The following LINGO2 variants were observed in gnomAD, a reference collection of about 807,000 sequenced individuals.
LINGO2 encodes leucine-rich repeat and immunoglobulin-like domain-containing nogo receptor-interacting protein 2.
Under a neutral mutation model 30.6 loss-of-function variants are expected in LINGO2, and 14 were observed. That is an observed-to-expected ratio of 0.46 (90% CI 0.30 to 0.72). LINGO2 has a LOEUF of 0.72. Ranked by LOEUF, LINGO2 falls within the 30% of genes least tolerant of loss-of-function variation. The pLI is 0.07. For missense variants in LINGO2, 729 were observed against 751.7 expected, an observed-to-expected ratio of 0.97 and a Z score of 0.35; for synonymous variants, 317 against 288.5, an observed-to-expected ratio of 1.10 and a Z score of -1.00.
At chr9:28,937,838 G>A in the LINGO2 span, among the ~76,000 whole-genome samples, 36 of 151,976 alleles carry the variant, frequency 2.4e-4, no homozygotes, top group Non-Finnish European at 1.3e-4. Flanking sequence ...GGGCAAGTTT[G>A]TTACATAGGT....
intron 4 of LINGO2, among the ~76,000 whole-genome samples, chr9:28,254,679 T>A (rs1822321447): frequency 1.3e-5 from 2 of 152,014 alleles, no homozygotes; most frequent in African/African-American, 2.4e-5. Flanking sequence ...GAAAAAAAAA[T>A]TTGCTTTTGG....
At position 28,348,959 on chromosome 9, in the gene LINGO2, TAACA is replaced by T. The variant is rs1458619145; in HGVS notation, c.-246+23873_-246+23876del. On this transcript the variant is annotated intron_variant, in intron 3 of 5. Transcript: ENST00000379992. Reference sequence around the variant, plus strand: ...GGGTCCTGTCTGTTAGAAGGAAAACTAACAAACAGAAAGGACATCCACACCAAAA... The same window carrying T: ...GGGTCCTGTCTGTTAGAAGGAAAACTAACAGAAAGGACATCCACACCAAAA... 2.0e-5 allele frequency among the ~76,000 whole-genome samples: 3 copies of T among 150,956 alleles called. No homozygotes were observed. In the East Asian group the frequency reaches 6.0e-4, roughly 30 times the overall value.
intron 2 of LINGO2, among the ~76,000 whole-genome samples, chr9:28,461,756 G>C (rs774870691): frequency 6.6e-6 from 1 of 152,088 alleles, no homozygotes; most frequent in African/African-American, 2.4e-5. Context: ...AAAAACATCA[G>C]GCTCCAAAGG....
At chr9:28,691,335 G>C in the LINGO2 span, among the ~76,000 whole-genome samples, 15 of 152,102 alleles carry the variant, frequency 9.9e-5, no homozygotes, top group South Asian at 2.1e-4. Context: ...TTTCCTGCTC[G>C]CTCACCCTTG....
At chr9:28,551,855 T>C (rs558803604) in intron 1 of LINGO2, among the ~76,000 whole-genome samples, 1 of 152,222 alleles carries the variant, frequency 6.6e-6, no homozygotes, top group South Asian at 2.1e-4. Flanking sequence ...CTCATCATTA[T>C]GTCATATCAT....
chr9:27,950,065 G>A, exon 6 of LINGO2: 1 of 1,614,148 alleles, frequency 6.2e-7, no homozygotes, highest in Non-Finnish European at 8.5e-7. Context: ...AGGCTGATGA[G>A]GCTGCGGAGG....
At chr9:28,923,474 T>C in the LINGO2 span, among the ~76,000 whole-genome samples, 1 of 152,180 alleles carries the variant, frequency 6.6e-6, no homozygotes, top group Non-Finnish European at 1.5e-5. Context: ...AAAAATCTTT[T>C]AGCCCCTGTG....
the LINGO2 span, among the ~76,000 whole-genome samples, chr9:28,966,167 G>C: frequency 1.3e-5 from 2 of 152,088 alleles, no homozygotes; most frequent in African/African-American, 4.8e-5. Flanking sequence ...AAACTGTGCT[G>C]AATGTCCTCA....
intron 3 of LINGO2, among the ~76,000 whole-genome samples, chr9:28,361,418 C>T (rs746815615): frequency 1.3e-5 from 2 of 152,250 alleles, no homozygotes; most frequent in African/African-American, 2.4e-5. Flanking sequence ...TTGCAGACAA[C>T]GGGAGACTAC....
chr9:28,985,164 C>T, the LINGO2 span, among the ~76,000 whole-genome samples: 1 of 152,098 alleles, frequency 6.6e-6, no homozygotes, highest in South Asian at 2.1e-4. Flanking sequence ...TAATATTCTC[C>T]AATTCCATCC....
the LINGO2 span, among the ~76,000 whole-genome samples, chr9:29,007,730 G>A: frequency 6.6e-6 from 1 of 152,038 alleles, no homozygotes; most frequent in Non-Finnish European, 1.5e-5. Flanking sequence ...CTGGATGGCA[G>A]AAAATAAGGA....
At chr9:28,159,608 T>A (rs1223621220) in intron 4 of LINGO2, among the ~76,000 whole-genome samples, 3 of 143,714 alleles carry the variant, frequency 2.1e-5, no homozygotes, top group Non-Finnish European at 4.5e-5. Flanking sequence ...TGATACGAAA[T>A]TTTCTTGAAT....
At chr9:28,832,805 C>A in the LINGO2 span, among the ~76,000 whole-genome samples, 1 of 152,130 alleles carries the variant, frequency 6.6e-6, no homozygotes, top group Non-Finnish European at 1.5e-5. Context: ...AGTCAAAAGG[C>A]ACTTCCTGAG....
At chr9:28,430,295 A>G (rs896211234) in intron 2 of LINGO2, among the ~76,000 whole-genome samples, 1 of 152,080 alleles carries the variant, frequency 6.6e-6, no homozygotes, top group African/African-American at 2.4e-5. Context: ...AAAGGTACCA[A>G]CTTTGTTTTC....
the LINGO2 span, among the ~76,000 whole-genome samples, chr9:29,115,953 A>T: frequency 6.6e-6 from 1 of 152,066 alleles, no homozygotes; most frequent in Non-Finnish European, 1.5e-5. Flanking sequence ...ATTGTAGGAT[A>T]GCAAAAATGG....
chr9:28,619,644 A>G (rs1563868954), intron 1 of LINGO2, among the ~76,000 whole-genome samples: 1 of 152,052 alleles, frequency 6.6e-6, no homozygotes, highest in South Asian at 2.1e-4. Context: ...GCTGATTTCA[A>G]TGTTGTTTAG....
At chr9:28,032,006 T>C (rs1823699540) in intron 4 of LINGO2, among the ~76,000 whole-genome samples, 2 of 149,926 alleles carry the variant, frequency 1.3e-5, no homozygotes, top group Non-Finnish European at 3.0e-5. Flanking sequence ...CTGGGTACCT[T>C]TGTTACTAGC....
intron 1 of LINGO2, among the ~76,000 whole-genome samples, chr9:28,551,081 T>C (rs1277574038): frequency 2.0e-5 from 3 of 151,884 alleles, no homozygotes; most frequent in Non-Finnish European, 4.4e-5. Context: ...TGTAGATTAA[T>C]ACATAAAGGC....
intron 5 of LINGO2, among the ~76,000 whole-genome samples, chr9:27,980,459 C>T (rs1254159852): frequency 2.0e-5 from 3 of 151,936 alleles, no homozygotes; most frequent in African/African-American, 4.8e-5. Context: ...TATTTATTTA[C>T]TTAGTGCTTC....
Sources: gnomAD v4.1 joint callset for allele counts (sites outside exome capture counted in the v4.1 genomes callset) on GRCh38, gnomAD v4.1.1 for gene constraint, MANE v1.5 for transcripts, NCBI Gene and HGNC (gene_info 2026-07-23, HGNC 2026-07-21) for gene names.